SDK2: variants seen among roughly 807,000 people sequenced by gnomAD.
SDK2 encodes the protein sidekick cell adhesion molecule 2.
Under a neutral mutation model 253.9 loss-of-function variants are expected in SDK2, and 105 were observed. The ratio of observed to expected loss-of-function variants is 0.41; its 90% CI spans 0.35 to 0.49. The LOEUF (loss-of-function observed/expected upper bound fraction) is 0.49. Ranked by LOEUF, SDK2 falls within the 20% of genes least tolerant of loss-of-function variation. The pLI is 0.06. For missense variants in SDK2, 2,608 were observed against 3,003.0 expected, an observed-to-expected ratio of 0.87 and a Z score of 3.07; for synonymous variants, 1,249 against 1,234.9, an observed-to-expected ratio of 1.01 and a Z score of -0.24.
chr17:73,542,920 C>G (rs932088811), intron 1 of SDK2, among the ~76,000 whole-genome samples: 1 of 152,130 alleles, frequency 6.6e-6, no homozygotes, highest in Non-Finnish European at 1.5e-5. Flanking sequence ...CATAAGACAC[C>G]CTCCCCTAGG....
chr17:73,588,715 T>C (rs532279489), intron 1 of SDK2, among the ~76,000 whole-genome samples: 18 of 152,284 alleles, frequency 1.2e-4, no homozygotes, highest in Middle Eastern at 6.8e-3. Flanking sequence ...GCCTCCCCTC[T>C]AAGAACAATC....
At position 73,444,036 on chromosome 17, in the gene SDK2, G is replaced by C. The variant is rs1378611598; in HGVS notation, c.614-3113C>G. Among the ~76,000 whole-genome samples the C allele has an allele frequency of 5.9e-5, 9 of 152,298 alleles. No individual in the cohort carries two copies. The South Asian group carries it at 1.9e-3, about 32-fold the overall frequency. ...AGAGCGTGTGATGGTTGCCGGGAAG[G>C]GGGCAGCTAAGCTGGTCTGGGGTGA... On this transcript the variant is annotated intron_variant, in intron 5 of 44. Transcript: ENST00000392650.
intron 6 of SDK2, among the ~76,000 whole-genome samples, chr17:73,439,504 TGA>T (rs1472917756): frequency 1.3e-5 from 2 of 152,100 alleles, no homozygotes; most frequent in African/African-American, 4.8e-5. Flanking sequence ...GAGGATCACT[TGA>T]GCCCAGGAGT....
intron 44 of SDK2, among the ~76,000 whole-genome samples, chr17:73,348,193 G>A (rs1055687533): frequency 1.3e-5 from 2 of 152,242 alleles, no homozygotes; most frequent in African/African-American, 2.4e-5. Context: ...TGATGCGTGA[G>A]TAGTGAAGCT....
intron 1 of SDK2, among the ~76,000 whole-genome samples, chr17:73,613,396 GGA>G (rs1464495706): frequency 2.1e-5 from 3 of 142,046 alleles, no homozygotes; most frequent in African/African-American, 8.0e-5. Flanking sequence ...CCAGGCCCCT[GGA>G]GAGAGATGGT....
At chr17:73,461,924 AATGG>A (rs1451033784) in intron 3 of SDK2, among the ~76,000 whole-genome samples, 1 of 150,556 alleles carries the variant, frequency 6.6e-6, no homozygotes, top group Non-Finnish European at 1.5e-5. Flanking sequence ...TGTATGGTGG[AATGG>A]ATGGTTGTAT....
chr17:73,513,583 G>GCCAACTCTTCAAGGAATTCA (rs1246660714), intron 1 of SDK2: 1 of 152,130 alleles, frequency 6.6e-6, no homozygotes, highest in Non-Finnish European at 1.5e-5. Flanking sequence ...CCTCCAATTC[G>GCCAACTCTTCAAGGAATTCA]CCAACTCTTC....
At chr17:73,428,404 T>C (rs2145601920) in intron 12 of SDK2, among the ~76,000 whole-genome samples, 1 of 152,206 alleles carries the variant, frequency 6.6e-6, no homozygotes, top group Non-Finnish European at 1.5e-5. Context: ...GTTTTCATGC[T>C]AGAAACCTGC....
chr17:73,412,040 A>G (rs367660268), intron 18 of SDK2, among the ~76,000 whole-genome samples: 79 of 5,434 alleles, frequency 0.015, no homozygotes, highest in East Asian at 0.028. Context: ...ATATACGTAT[A>G]TATATGTATA....
chr17:73,589,574 TGCTACTGGCTCC>T (rs1288637477), intron 1 of SDK2, among the ~76,000 whole-genome samples: 3 of 152,188 alleles, frequency 2.0e-5, no homozygotes, highest in African/African-American at 7.2e-5. Context: ...ATGGGGACAT[TGCTACTGGCTCC>T]GCAGCCTTAG....
intron 1 of SDK2, among the ~76,000 whole-genome samples, chr17:73,532,461 G>T (rs2064177167): frequency 6.6e-6 from 1 of 152,122 alleles, no homozygotes; most frequent in Non-Finnish European, 1.5e-5. Flanking sequence ...GGTGCCAGCT[G>T]CCTCCCAGGC....
At chr17:73,440,095 CA>C (rs1318888455) in intron 6 of SDK2, among the ~76,000 whole-genome samples, 1 of 150,396 alleles carries the variant, frequency 6.6e-6, no homozygotes, top group East Asian at 2.0e-4. Context: ...TGCCCTACTC[CA>C]AAGCCCATAC....
chr17:73,639,560 TATG>T lies in SDK2; in HGVS notation c.64+4462_64+4464del, dbSNP rs1392004683. ...CTATTGGCATCCCAAGGCCCCAAAT[TATG>T]ATGACTAATTCCCACCGCTTTAGGC... On this transcript the variant is annotated intron_variant, in intron 1 of 44. Coordinates refer to ENST00000392650, the MANE Select transcript of SDK2 (RefSeq NM_001144952.2). This position sits in a 1 kb window ranked among gnomAD's most constrained non-coding sequence, Gnocchi z 4.3. Among the ~76,000 whole-genome samples, 3 of 152,156 alleles carry T rather than the reference TATG, an allele frequency of 2.0e-5. No homozygotes were observed. The highest frequency in any genetic ancestry group is 2.4e-5 in the African/African-American group (1 of 41,422).
chr17:73,537,146 G>A (rs2044788823), intron 1 of SDK2, among the ~76,000 whole-genome samples: 1 of 152,182 alleles, frequency 6.6e-6, no homozygotes, highest in South Asian at 2.1e-4. Context: ...GTGTGACTGG[G>A]CGCTCAGTTA....
intron 1 of SDK2, among the ~76,000 whole-genome samples, chr17:73,610,228 T>C (rs2045956480): frequency 6.6e-6 from 1 of 152,170 alleles, no homozygotes; most frequent in African/African-American, 2.4e-5. Flanking sequence ...TGCACAGGCA[T>C]GTGACTGGGG....
intron 39 of SDK2, among the ~76,000 whole-genome samples, chr17:73,359,761 A>G (rs1418390763): frequency 6.6e-6 from 1 of 152,040 alleles, no homozygotes; most frequent in Non-Finnish European, 1.5e-5. Context: ...TTCTCCCACG[A>G]CAGCCTCCTG....
rs1461464214 is a variant in SDK2, at chr17:73,639,349, C to T, written c.64+4676G>A. Among the ~76,000 whole-genome samples, 1 of 152,142 alleles carries T rather than the reference C, an allele frequency of 6.6e-6. No homozygotes were observed. Among genetic ancestry groups the T allele is most frequent in the Admixed American group, 6.5e-5 (1 of 15,286 alleles). On this transcript the variant is annotated intron_variant, in intron 1 of 44. Coordinates refer to ENST00000392650, the MANE Select transcript of SDK2 (RefSeq NM_001144952.2). This position sits in a 1 kb window ranked among gnomAD's most constrained non-coding sequence, Gnocchi z 4.3. ...AGCCCTGCAGTCCCCTCTCTCCCTT[C>T]CCCCGGGGATGCTGAGCATCCCTGC...
At chr17:73,626,117 C>G (rs1188622235) in intron 1 of SDK2, among the ~76,000 whole-genome samples, 2 of 152,236 alleles carry the variant, frequency 1.3e-5, no homozygotes, top group African/African-American at 4.8e-5. Flanking sequence ...AACCTCCAGG[C>G]AGCGGGAGCC....
chr17:73,559,902 G>A (rs1185579974), intron 1 of SDK2, among the ~76,000 whole-genome samples: 2 of 152,238 alleles, frequency 1.3e-5, no homozygotes, highest in African/African-American at 4.8e-5. Context: ...GCACCAGCTG[G>A]TTGTCTTGGC....
Sources: gnomAD v4.1 joint callset for allele counts (sites outside exome capture counted in the v4.1 genomes callset) on GRCh38, gnomAD v4.1.1 for gene constraint, Gnocchi (gnomAD v3.1) non-coding constraint, MANE v1.5 for transcripts, NCBI Gene and HGNC (gene_info 2026-07-23, HGNC 2026-07-21) for gene names.